Variants in TERF2 observed in about 807,000 individuals in gnomAD.
TERF2 encodes telomeric repeat-binding factor 2.
A neutral mutation model predicts 56.1 loss-of-function variants in TERF2; 16 were observed. That is an observed-to-expected ratio of 0.29 (90% CI 0.19 to 0.43). TERF2 has a LOEUF of 0.43. Among genes scored for constraint, TERF2 ranks in the 20% least tolerant of loss-of-function variants. The pLI, the probability that TERF2 is intolerant of heterozygous loss-of-function variation, is 1.00. For missense variants in TERF2, 547 were observed against 712.9 expected, an observed-to-expected ratio of 0.77 and a Z score of 2.65; for synonymous variants, 296 against 282.1, an observed-to-expected ratio of 1.05 and a Z score of -0.50.
chr16:69,368,736 G>C (rs1431940898), intron 5 of TERF2: 3 of 770,910 alleles, frequency 3.9e-6, no homozygotes, highest in South Asian at 1.6e-5. Context: ...CAGCACAGTG[G>C]TGCAATCTCG....
chr16:69,359,888 G>A (rs2013066631), intron 8 of TERF2, among the ~76,000 whole-genome samples: 1 of 151,428 alleles, frequency 6.6e-6, no homozygotes, highest in Admixed American at 6.6e-5. Flanking sequence ...AAAAGTGCTG[G>A]GATTACAGGC....
chr16:69,381,647 A>AT, intron 3 of TERF2, among the ~76,000 whole-genome samples: 1 of 151,676 alleles, frequency 6.6e-6, no homozygotes. Context: ...CACCCAGCTA[A>AT]TTTTTTGTAT....
chr16:69,379,939 T>C (rs2013933635), intron 3 of TERF2, among the ~76,000 whole-genome samples: 1 of 151,854 alleles, frequency 6.6e-6, no homozygotes, highest in Admixed American at 6.6e-5. Flanking sequence ...TGAGACAGAG[T>C]TTTGCTCTGT....
intron 7 of TERF2, chr16:69,366,091 CAACG>C (rs1168275352): frequency 6.6e-6 from 1 of 152,248 alleles, no homozygotes; most frequent in African/African-American, 2.4e-5. Context: ...ACTTCATCAA[CAACG>C]GCTTTTCTTC....
chr16:69,363,322 G>A (rs566482129), intron 7 of TERF2, among the ~76,000 whole-genome samples: 1 of 152,152 alleles, frequency 6.6e-6, no homozygotes, highest in Non-Finnish European at 1.5e-5. Context: ...AGTCTTCACA[G>A]GTCACCTTCT....
chr16:69,378,950 TG>T lies in TERF2; in HGVS notation c.606+5629del, dbSNP rs138150878. On this transcript the variant is annotated intron_variant, in intron 3 of 9. Coordinates refer to ENST00000254942, the MANE Select transcript of TERF2 (RefSeq NM_005652.5). ...TTTAAAACTATGTATTAATTTCCTG[TG>T]GGGGGGGGGAAATTAAAAAGATGAA... is the stretch of plus-strand genomic sequence containing the variant. Among the ~76,000 whole-genome samples the T allele has an allele frequency of 5.6e-3, 799 of 141,820 alleles. 5 individuals carry two copies. Among genetic ancestry groups the T allele is most frequent in the South Asian group, 0.017 (72 of 4,236 alleles). 93.0% of individuals were successfully genotyped at this position (141,820 alleles called of 152,430 possible).
At chr16:69,377,319 C>CATTCA (rs2013831839) in intron 3 of TERF2, among the ~76,000 whole-genome samples, 1 of 151,550 alleles carries the variant, frequency 6.6e-6, no homozygotes, top group Admixed American at 6.6e-5. Flanking sequence ...TGAACATGAA[C>CATTCA]ATTCAGTCTT....
chr16:69,364,493 C>A (rs2013266231), intron 7 of TERF2, among the ~76,000 whole-genome samples: 1 of 151,888 alleles, frequency 6.6e-6, no homozygotes, highest in African/African-American at 2.4e-5. Context: ...AGCTTGAGAG[C>A]CTCTGCCTGA....
At chr16:69,382,069 C>G (rs2014020045) in intron 3 of TERF2, among the ~76,000 whole-genome samples, 1 of 152,178 alleles carries the variant, frequency 6.6e-6, no homozygotes, top group Admixed American at 6.5e-5. Flanking sequence ...TTTGTACCAT[C>G]AATGCAAATG....
At chr16:69,373,812 GAA>G (rs540535899) in intron 3 of TERF2, among the ~76,000 whole-genome samples, 103 of 152,242 alleles carry the variant, frequency 6.8e-4, no homozygotes, top group African/African-American at 2.4e-3. Flanking sequence ...CAGCTTGGGC[GAA>G]AGAGCGATAC....
Position 69,385,504 on chromosome 16 carries a change from G to A in TERF2, c.380-18C>T. On this transcript the variant is annotated intron_variant, in intron 1 of 9. Transcript: ENST00000254942. The stretch of plus-strand genomic sequence containing the variant: ...AAGCAAAGCTGGGAGAGAAGACATC[G>A]TTGGCTGGGCGACCCCCAGTCCCGA... The A allele has an allele frequency of 6.2e-7, 1 of 1,613,624 alleles. No homozygotes were observed. The highest frequency in any genetic ancestry group is 8.5e-7 in the Non-Finnish European group (1 of 1,179,778).
chr16:69,373,810 G>T (rs1007812455), intron 3 of TERF2, among the ~76,000 whole-genome samples: 3 of 152,176 alleles, frequency 2.0e-5, no homozygotes, highest in Non-Finnish European at 4.4e-5. Flanking sequence ...TCCAGCTTGG[G>T]CGAAAGAGCG....
rs910906885 is a variant in TERF2, at chr16:69,356,102, G to T, written c.*796C>A. 1 of 414,806 alleles carries T rather than the reference G, an allele frequency of 2.4e-6. No homozygotes were observed. Among genetic ancestry groups the T allele is most frequent in the East Asian group, 7.2e-5 (1 of 13,968 alleles). The allele number at this position is 414,806 out of a possible 1,614,324, so 25.7% of individuals were successfully genotyped here. On this transcript the variant is annotated 3_prime_UTR_variant, in exon 10 of 10. Coordinates refer to ENST00000254942, the MANE Select transcript of TERF2 (RefSeq NM_005652.5). ...TTTTAAAGGGAATCTTATTCCACAA[G>T]GACTGGTCTGTCATCAACCTGGGTT...
At chr16:69,370,370 T>C in intron 5 of TERF2, 113 bp downstream of exon 5, 2 of 1,383,514 alleles carry the variant, frequency 1.4e-6, no homozygotes, top group Non-Finnish European at 9.8e-7. Flanking sequence ...AGAAAGCTAG[T>C]GCATACAATT....
chr16:69,382,916 TAAC>T (rs1029316484), intron 3 of TERF2, among the ~76,000 whole-genome samples: 1 of 152,108 alleles, frequency 6.6e-6, no homozygotes, highest in African/African-American at 2.4e-5. Context: ...TACACTGCAG[TAAC>T]AATAAGCATA....
At position 69,356,829 on chromosome 16, in the gene TERF2, A is replaced by C. The variant is rs1016728059; in HGVS notation, c.*69T>G. The C allele has an allele frequency of 3.5e-5, 51 of 1,470,562 alleles. No individual in the cohort carries two copies. Among genetic ancestry groups the C allele is most frequent in the Non-Finnish European group, 4.5e-5 (50 of 1,102,518 alleles). 91.1% of individuals were successfully genotyped at this position (1,470,562 alleles called of 1,614,324 possible). A position where few individuals can be genotyped will look rare whatever the true frequency, so the allele number is the denominator to read the frequency against. ...AAAAAAAAAAAAGAAAAAGAAAGAA[A>C]GAGCAGACTATCAGGGGCTATTATT... On this transcript the variant is annotated 3_prime_UTR_variant, in exon 10 of 10. Transcript: ENST00000254942.
intron 5 of TERF2, 176 bp downstream of exon 5, chr16:69,370,307 A>T: frequency 2.4e-6 from 2 of 839,976 alleles, no homozygotes; most frequent in South Asian, 3.9e-5. Flanking sequence ...CTGGGATTAC[A>T]GGCGTGAGCC....
chr16:69,365,086 G>A (rs1450913765), intron 7 of TERF2: 1 of 152,360 alleles, frequency 6.6e-6, no homozygotes, highest in East Asian at 1.9e-4. Context: ...CTTGACATAT[G>A]AGAGAGGGTG....
chr16:69,369,509 G>C (rs1057232690), intron 5 of TERF2, among the ~76,000 whole-genome samples: 1 of 152,242 alleles, frequency 6.6e-6, no homozygotes, highest in Middle Eastern at 3.4e-3. Context: ...ATGTTGCCCA[G>C]GGTGGTCTTG....
Sources: gnomAD v4.1 joint callset for allele counts (sites outside exome capture counted in the v4.1 genomes callset) on GRCh38, gnomAD v4.1.1 for gene constraint, MANE v1.5 for transcripts, NCBI Gene and HGNC (gene_info 2026-07-23, HGNC 2026-07-21) for gene names.